Variants in ZNF596 observed in about 807,000 individuals in gnomAD.
The protein encoded by ZNF596 is zinc finger protein 596.
ZNF596 carries 45 observed loss-of-function variants against 48.3 expected under a neutral mutation model. The ratio of observed to expected loss-of-function variants is 0.93; its 90% confidence interval spans 0.73 to 1.19. ZNF596 has a LOEUF of 1.19. Ranked by LOEUF, ZNF596 falls within the 50% of genes most tolerant of loss-of-function variation. The pLI is 0.00. For missense variants in ZNF596, 848 were observed against 599.7 expected (o/e 1.41, Z -4.32); for synonymous variants, 270 against 202.0 (o/e 1.34, Z -2.85).
chr8:242,862 CA>C, intron 2 of ZNF596, 24 bp from the exon 3 acceptor site: 1 of 1,478,906 alleles, frequency 6.8e-7, no homozygotes, highest in Non-Finnish European at 9.1e-7. Context: ...GCCCTGTTTG[CA>C]GTAGAATGTC....
Position 245,673 on chromosome 8 carries a change from G to T in ZNF596, c.826G>T (p.Glu276Ter). The stretch of plus-strand genomic sequence containing the variant: ...ACGACATGAGATGATTCACACTAGA[G>T]AAAAAGCACAGATATGCCATCTATG... ...LRRHEMIHTR[E>*]KAQICHLCGK... The change falls in exon 6 of 6, where the codon GAA becomes TAA. Residue 276 changes from glutamate to a stop codon, truncating the protein, a stop_gained. Coordinates refer to ENST00000398612, the MANE Select transcript of ZNF596 (RefSeq NM_001042416.3). LOFTEE classifies it high-confidence loss of function. The T allele has an allele frequency of 6.2e-7, 1 of 1,614,102 alleles. No individual in the cohort carries two copies. The highest frequency in any genetic ancestry group is 1.7e-5 in the Admixed American group (1 of 60,018).
At position 245,240 on chromosome 8, in the gene ZNF596, T is replaced by C. The variant is rs756668508; in HGVS notation, c.393T>C (p.Ile131=). The C allele has an allele frequency of 6.2e-7, 1 of 1,614,036 alleles. No individual in the cohort carries two copies. Among genetic ancestry groups the C allele is most frequent in the South Asian group, 1.1e-5 (1 of 91,058 alleles). ...ATATAGCATTGACTCAAAATGTGAT[T>C]ACCTACATGAGAACGAAACACTTTG... is the stretch of plus-strand genomic sequence containing the variant. ...TQHIALTQNV[I]TYMRTKHFVS... is the part of the protein sequence containing the mutation. Residue 131 remains isoleucine, a synonymous_variant, in exon 6 of 6, where the codon ATT becomes ATC. Transcript: ENST00000398612.
At chr8:243,450 A>C (rs1346614725) in intron 3 of ZNF596, 18 of 361,064 alleles carry the variant, frequency 5.0e-5, no homozygotes, top group East Asian at 4.0e-4. Flanking sequence ...ACAATTTGTA[A>C]TTTCTCACTA....
At position 246,314 on chromosome 8, in the gene ZNF596, C is replaced by A. The variant is rs1199572239; in HGVS notation, c.1467C>A (p.Asn489Lys). 1.2e-6 allele frequency: 2 copies of A among 1,604,516 alleles called. No homozygotes were observed. The highest frequency in any genetic ancestry group is 1.7e-6 in the Non-Finnish European group (2 of 1,177,236). The change falls in exon 6 of 6, where the codon AAC becomes AAA. Residue 489 changes from asparagine (N) to lysine (K), a missense_variant. By Grantham distance (94) the Asn-to-Lys change is moderately conservative (BLOSUM62 0). Coordinates refer to ENST00000398612, the MANE Select transcript of ZNF596 (RefSeq NM_001042416.3). Reference protein sequence around the residue: ...LCGKAFSKFFNLRQHERTHTK... With the variant: ...LCGKAFSKFFKLRQHERTHTK... ...GGAAAGCCTTTAGTAAATTTTTTAA[C>A]CTTAGACAACATGAGAGAACTCACA... is the stretch of plus-strand genomic sequence containing the variant.
intron 1 of ZNF596, among the ~76,000 whole-genome samples, chr8:235,799 G>T (rs1255758204): frequency 6.6e-6 from 1 of 152,062 alleles, no homozygotes. Context: ...GTTTTATTCA[G>T]TCCACTTATG....
intron 1 of ZNF596, chr8:240,175 G>A (rs1796794615): frequency 6.6e-6 from 1 of 152,184 alleles, no homozygotes; most frequent in Non-Finnish European, 1.5e-5. Flanking sequence ...ATTTCAACTT[G>A]AGGAACTCCC....
chr8:239,618 A>G (rs1796765817), intron 1 of ZNF596, among the ~76,000 whole-genome samples: 1 of 152,218 alleles, frequency 6.6e-6, no homozygotes, highest in Non-Finnish European at 1.5e-5. Context: ...AGCCAGCTAA[A>G]GAGTTACATA....
At position 243,309 on chromosome 8, in the gene ZNF596, T is replaced by C. The variant is rs1796929258; in HGVS notation, c.139+296T>C. 5 of 293,278 alleles carry C rather than the reference T, an allele frequency of 1.7e-5. No individual in the cohort carries two copies. In the South Asian group the frequency reaches 3.3e-4, roughly 19 times the overall value. The allele number at this position is 293,278 out of a possible 1,614,324, so 18.2% of individuals were successfully genotyped here. On this transcript the variant is annotated intron_variant, in intron 3 of 5. Transcript: ENST00000398612. ...GTTATGGTAATTCACTGCTTTGGTA[T>C]GCATAAATAAATGTATTGATTTCTT...
At chr8:243,053 T>G (rs1025373552) in intron 3 of ZNF596, 40 bp downstream of exon 3, 1 of 1,545,406 alleles carries the variant, frequency 6.5e-7, no homozygotes. Flanking sequence ...ATATACGGAT[T>G]CATTCACTCA....
intron 3 of ZNF596, 48 bp from the exon 4 acceptor site, chr8:243,674 T>C: frequency 6.3e-7 from 1 of 1,590,790 alleles, no homozygotes; most frequent in Non-Finnish European, 8.6e-7. Context: ...ACCTTGTACA[T>C]TTGTCAGCAC....
At position 240,440 on chromosome 8, in the gene ZNF596, A is replaced by G. The variant is rs73173325; in HGVS notation, c.-72-384A>G. ...TGAGGGCTGAGATGCATGTGGAGAA[A>G]GCCTGCAAGCACACAAACCGAGAAT... On this transcript the variant is annotated intron_variant, in intron 1 of 5. Coordinates refer to ENST00000398612, the MANE Select transcript of ZNF596 (RefSeq NM_001042416.3). The G allele has an allele frequency of 2.2e-3, 402 of 180,688 alleles. 2 individuals carry two copies. Among genetic ancestry groups the G allele is most frequent in the Non-Finnish European group, 3.0e-3 (260 of 85,538 alleles). 11.2% of individuals were successfully genotyped at this position (180,688 alleles called of 1,614,324 possible). A position where few individuals can be genotyped will look rare whatever the true frequency, so the allele number is the denominator to read the frequency against.
chr8:243,869 C>A, intron 4 of ZNF596, 64 bp downstream of exon 4: 1 of 1,364,092 alleles, frequency 7.3e-7, no homozygotes, highest in Non-Finnish European at 1.0e-6. Flanking sequence ...GTGAGTAGGA[C>A]CCAACAGTTG....
chr8:243,671 AC>A, intron 3 of ZNF596, 50 bp from the exon 4 acceptor site: 1 of 1,584,034 alleles, frequency 6.3e-7, no homozygotes, highest in African/African-American at 1.3e-5. Context: ...ATAACCTTGT[AC>A]ATTTGTCAGC....
intron 2 of ZNF596, 23 bp from the exon 3 acceptor site, chr8:242,864 G>A (rs781165695): frequency 7.4e-6 from 11 of 1,486,642 alleles, no homozygotes; most frequent in African/African-American, 2.8e-5. Flanking sequence ...CCTGTTTGCA[G>A]TAGAATGTCC....
chr8:244,402 A>G (rs1796976569), intron 4 of ZNF596: 1 of 545,428 alleles, frequency 1.8e-6, no homozygotes. Context: ...TTCTTTGAAA[A>G]TTTTTCTTTC....
intron 1 of ZNF596, 146 bp downstream of exon 1, chr8:232,840 A>C (rs1333355889): frequency 2.2e-6 from 1 of 446,862 alleles, no homozygotes; most frequent in African/African-American, 2.1e-5. Flanking sequence ...CGTCTCCGCA[A>C]ACCCCACGCT....
chr8:243,449 A>C lies in ZNF596; in HGVS notation c.140-273A>C, dbSNP rs548613959. ...AATGTCAAATACTATGACAATTTGT[A>C]ATTTCTCACTAAGTGAAAACACTGA... is the stretch of plus-strand genomic sequence containing the variant. On this transcript the variant is annotated intron_variant, in intron 3 of 5. Transcript: ENST00000398612. 1.7e-5 allele frequency: 6 copies of C among 359,614 alleles called. No individual in the cohort carries two copies. The South Asian group carries it at 2.8e-4, about 17-fold the overall frequency. 22.3% of individuals were successfully genotyped at this position (359,614 alleles called of 1,614,324 possible).
In ZNF596 at chr8:245,499, A is replaced by G. The variant is rs1315097295; in HGVS notation, c.652A>G (p.Thr218Ala). 1.2e-6 allele frequency: 2 copies of G among 1,614,196 alleles called. No individual in the cohort carries two copies. Among genetic ancestry groups the G allele is most frequent in the Admixed American group, 3.3e-5 (2 of 60,024 alleles). ...TCTTAGGCGACATGAGATGATTCAC[A>G]CTGGAGAGAAACCACACGGATGTCA... is the stretch of plus-strand genomic sequence containing the variant. Reference protein sequence around the residue: ...SNLRRHEMIHTGEKPHGCHLC... With the variant: ...SNLRRHEMIHAGEKPHGCHLC... Residue 218 changes from threonine to alanine, a missense_variant, in exon 6 of 6, where the codon ACT becomes GCT. Thr to Ala is a moderately conservative substitution (Grantham distance 58, BLOSUM62 0). Coordinates refer to ENST00000398612, the MANE Select transcript of ZNF596 (RefSeq NM_001042416.3).
intron 1 of ZNF596, chr8:232,930 C>A: frequency 4.3e-6 from 2 of 469,082 alleles, no homozygotes; most frequent in South Asian, 3.1e-5. Flanking sequence ...AACCCTCGTG[C>A]TTCTGCACAA....
Sources: gnomAD v4.1 joint callset for allele counts (sites outside exome capture counted in the v4.1 genomes callset) on GRCh38, gnomAD v4.1.1 for gene constraint, MANE v1.5 for transcripts, NCBI Gene and HGNC (gene_info 2026-07-23, HGNC 2026-07-21) for gene names.